CACNA2D1: variants seen among roughly 807,000 people sequenced by gnomAD.
The protein encoded by CACNA2D1 is calcium voltage-gated channel auxiliary subunit alpha2delta 1.
Under a neutral mutation model 171.5 loss-of-function variants are expected in CACNA2D1, and 53 were observed. The ratio of observed to expected loss-of-function variants is 0.31; its 90% confidence interval spans 0.25 to 0.39. The LOEUF is 0.39. CACNA2D1 is among the 10% of genes least tolerant of loss of function. The pLI is 1.00. For synonymous variants in CACNA2D1, 442 were observed against 443.1 expected, an observed-to-expected ratio of 1.00 and a Z score of 0.03; for missense variants, 903 against 1,299.8, an observed-to-expected ratio of 0.69 and a Z score of 4.69.
chr7:82,205,698 T>C (rs1373352733), intron 3 of CACNA2D1, among the ~76,000 whole-genome samples: 1 of 152,182 alleles, frequency 6.6e-6, no homozygotes, highest in African/African-American at 2.4e-5. Context: ...TAAGTCATTT[T>C]GAAGAGTAGA....
intron 1 of CACNA2D1, among the ~76,000 whole-genome samples, chr7:82,414,448 G>A (rs1827976392): frequency 1.3e-5 from 2 of 152,154 alleles, no homozygotes; most frequent in Admixed American, 1.3e-4. Flanking sequence ...AGTGGTTAAG[G>A]AAACATGAAA....
intron 6 of CACNA2D1, among the ~76,000 whole-genome samples, chr7:82,105,460 A>G (rs569145944): frequency 4.8e-5 from 7 of 146,510 alleles, no homozygotes; most frequent in Non-Finnish European, 1.0e-4. Context: ...GACGGTCACA[A>G]ATTAAATTAT....
At chr7:82,231,949 T>G (rs1432882648) in intron 3 of CACNA2D1, among the ~76,000 whole-genome samples, 1 of 152,164 alleles carries the variant, frequency 6.6e-6, no homozygotes, top group African/African-American at 2.4e-5. Flanking sequence ...CTTCATAATA[T>G]TAGTTTTTAA....
chr7:82,163,866 T>G (rs554628006), intron 4 of CACNA2D1, among the ~76,000 whole-genome samples: 3 of 151,918 alleles, frequency 2.0e-5, no homozygotes, highest in African/African-American at 7.2e-5. Context: ...TCTAGAAATA[T>G]CATCCTTGGA....
At chr7:82,085,447 C>G (rs1810341088) in intron 6 of CACNA2D1, among the ~76,000 whole-genome samples, 1 of 149,774 alleles carries the variant, frequency 6.7e-6, no homozygotes, top group Non-Finnish European at 1.5e-5. Context: ...CACCTTAGGA[C>G]AGAGTTTTAA....
intron 4 of CACNA2D1, among the ~76,000 whole-genome samples, chr7:82,166,960 C>G (rs753793664): frequency 6.6e-6 from 1 of 151,966 alleles, no homozygotes; most frequent in African/African-American, 2.4e-5. Context: ...GATTTCTCTA[C>G]ATTACACAGT....
intron 6 of CACNA2D1, among the ~76,000 whole-genome samples, chr7:82,087,998 A>C (rs559007712): frequency 1.3e-5 from 2 of 151,784 alleles, no homozygotes; most frequent in South Asian, 2.1e-4. Context: ...CCTTGTCTCT[A>C]TCTCTCCCCA....
At chr7:82,008,096 C>T (rs1216882763) in intron 15 of CACNA2D1, among the ~76,000 whole-genome samples, 3 of 152,026 alleles carry the variant, frequency 2.0e-5, no homozygotes, top group Non-Finnish European at 2.9e-5. Flanking sequence ...TGATAGTTCA[C>T]CTAATATCAG....
chr7:82,111,318 G>A (rs1293666780), intron 6 of CACNA2D1, among the ~76,000 whole-genome samples: 1 of 109,856 alleles, frequency 9.1e-6, no homozygotes, highest in East Asian at 2.7e-4. Context: ...ATATATACGT[G>A]TATATACGCA....
intron 3 of CACNA2D1, among the ~76,000 whole-genome samples, chr7:82,184,169 C>CTTTTTTTTTTTTTTTTT (rs72155870): frequency 7.8e-6 from 1 of 127,420 alleles, no homozygotes; most frequent in African/African-American, 2.9e-5. Flanking sequence ...TCGGTTTCCT[C>CTTTTTTTTTTTTTTTTT]TTTTTTTTTT....
At chr7:82,434,944 A>C (rs547918913) in intron 1 of CACNA2D1, among the ~76,000 whole-genome samples, 14 of 152,204 alleles carry the variant, frequency 9.2e-5, no homozygotes, top group African/African-American at 3.1e-4. Context: ...ATTATAGATA[A>C]ATATGAGTTA....
At chr7:82,369,584 G>A (rs1311211838) in intron 1 of CACNA2D1, among the ~76,000 whole-genome samples, 3 of 151,730 alleles carry the variant, frequency 2.0e-5, no homozygotes, top group Admixed American at 2.0e-4. Context: ...AACAGGCCAA[G>A]AAAAAAGACA....
rs567719844 is a variant in CACNA2D1, at chr7:81,962,741, C to A, written c.2781-246G>T. Among the ~76,000 whole-genome samples, 8 of 151,950 alleles carry A rather than the reference C, an allele frequency of 5.3e-5. No individual in the cohort carries two copies. The East Asian group carries it at 1.6e-3, about 30-fold the overall frequency. ...AGTGGGACACAATGTGTGAAGAAAC[C>A]TAACAGGCAATGTTATCAAGCAGAA... On this transcript the variant is annotated intron_variant, in intron 34 of 38. Coordinates refer to ENST00000356860, the MANE Select transcript of CACNA2D1 (RefSeq NM_000722.4).
rs541703415 is a variant in CACNA2D1 at position 82,262,975 on chromosome 7, T to A, written c.294+72160A>T. On this transcript the variant is annotated intron_variant, in intron 3 of 38. Coordinates refer to ENST00000356860, the MANE Select transcript of CACNA2D1 (RefSeq NM_000722.4). Reference sequence around the variant, plus strand: ...ACCTTGGTCTCTCACCATTAGATCATGCCTTTTTGTCCAATCGTATTTCTT... The same window carrying A: ...ACCTTGGTCTCTCACCATTAGATCAAGCCTTTTTGTCCAATCGTATTTCTT... 2.0e-5 allele frequency among the ~76,000 whole-genome samples: 3 copies of A among 152,294 alleles called. No individual in the cohort carries two copies. In the South Asian group the frequency reaches 6.2e-4, roughly 32 times the overall value.
intron 3 of CACNA2D1, among the ~76,000 whole-genome samples, chr7:82,263,102 CTTTTTT>C (rs759968270): frequency 9.3e-6 from 1 of 108,026 alleles, no homozygotes; most frequent in Non-Finnish European, 1.8e-5. Flanking sequence ...CATAACACCA[CTTTTTT>C]TTTTTTTTTT....
intron 12 of CACNA2D1, among the ~76,000 whole-genome samples, chr7:82,022,048 C>T (rs1418412795): frequency 6.6e-6 from 1 of 151,920 alleles, no homozygotes; most frequent in African/African-American, 2.4e-5. Flanking sequence ...TAATACTTAA[C>T]CTCATTTTTC....
At chr7:81,954,520 T>G (rs1418781247) in intron 38 of CACNA2D1, among the ~76,000 whole-genome samples, 1 of 152,080 alleles carries the variant, frequency 6.6e-6, no homozygotes, top group Non-Finnish European at 1.5e-5. Flanking sequence ...GGCTAAAATC[T>G]TTTGAAGTTA....
chr7:81,948,461 T>A lies in CACNA2D1; in HGVS notation c.*1931A>T, dbSNP rs1024927108. On this transcript the variant is annotated 3_prime_UTR_variant, in exon 39 of 39. Coordinates refer to ENST00000356860, the MANE Select transcript of CACNA2D1 (RefSeq NM_000722.4). ...GATTCCATTTCCCCCCACCTTTTTA[T>A]TGAAAAAAAAAATCTTGAAATGTAC... The A allele has an allele frequency of 2.5e-4, 36 of 146,008 alleles. No homozygotes were observed. The highest frequency in any genetic ancestry group is 7.8e-4 in the African/African-American group (32 of 40,820). The allele number at this position is 146,008 out of a possible 1,614,324, so 9.0% of individuals were successfully genotyped here. A position where few individuals can be genotyped will look rare whatever the true frequency, so the allele number is the denominator to read the frequency against.
rs144336048 is a variant in CACNA2D1 at position 81,966,133 on chromosome 7, A to T, written c.2503-468T>A. ...ACTATTTATAATTATTTCATATTTT[A>T]GATTAAAAATATGTAGTTGGATAAT... On this transcript the variant is annotated intron_variant, in intron 31 of 38. Coordinates refer to ENST00000356860, the MANE Select transcript of CACNA2D1 (RefSeq NM_000722.4). Among the ~76,000 whole-genome samples the T allele has an allele frequency of 8.3e-3, 1,263 of 151,920 alleles. 18 individuals are homozygous for T. Among genetic ancestry groups the T allele is most frequent in the African/African-American group, 0.028 (1,168 of 41,520 alleles).
Sources: allele counts gnomAD v4.1 joint callset (sites outside exome capture counted in the v4.1 genomes callset), GRCh38; gene constraint gnomAD v4.1.1; transcripts MANE v1.5; gene names NCBI Gene and HGNC (gene_info 2026-07-23, HGNC 2026-07-21).